Variants in RALYL observed in about 807,000 individuals in gnomAD.
RALYL encodes the protein RNA-binding Raly-like protein.
In RALYL, 29 loss-of-function variants were observed where a neutral mutation model predicts 35.1. That is an observed-to-expected ratio of 0.83 (90% CI 0.61 to 1.13). The LOEUF (loss-of-function observed/expected upper bound fraction) is 1.13, where lower values mean the gene tolerates loss of function less well. Among genes scored for constraint, RALYL ranks in the 50% most tolerant of loss-of-function variants. The probability of loss-of-function intolerance (pLI) is 0.00; values close to 1 mark genes in which losing one functional copy is unlikely to be tolerated. For synonymous variants in RALYL, 120 were observed against 127.6 expected (o/e 0.94, Z 0.40); for missense variants, 359 against 360.4 (o/e 1.00, Z 0.03).
chr8:84,619,036 G>C (rs1232580961), intron 2 of RALYL, among the ~76,000 whole-genome samples: 1 of 149,310 alleles, frequency 6.7e-6, no homozygotes, highest in East Asian at 2.0e-4. Context: ...TTTTGGAATA[G>C]GTGTGGTGTG....
chr8:84,650,645 C>A (rs1210687011), intron 2 of RALYL, among the ~76,000 whole-genome samples: 20 of 151,804 alleles, frequency 1.3e-4, no homozygotes, highest in Admixed American at 3.9e-4. Flanking sequence ...TAGTTCAACC[C>A]TTGTGGAAGT....
intron 1 of RALYL, among the ~76,000 whole-genome samples, chr8:84,423,953 C>G (rs1404859318): frequency 4.0e-5 from 6 of 151,678 alleles, no homozygotes; most frequent in Admixed American, 3.9e-4. Flanking sequence ...TTGAGGGTAA[C>G]CTGACCTTTC....
intron 1 of RALYL, among the ~76,000 whole-genome samples, chr8:84,235,376 A>G (rs1826281757): frequency 1.3e-5 from 2 of 152,178 alleles, no homozygotes; most frequent in Admixed American, 1.3e-4. Flanking sequence ...CTTCCACAAT[A>G]AGATTTGAAA....
intron 4 of RALYL, among the ~76,000 whole-genome samples, chr8:84,826,372 G>A (rs1388973213): frequency 6.6e-6 from 1 of 151,482 alleles, no homozygotes. Flanking sequence ...CTATTGGAAG[G>A]AAAATTAATG....
At chr8:84,245,197 G>T (rs561518623) in intron 1 of RALYL, among the ~76,000 whole-genome samples, 1 of 152,172 alleles carries the variant, frequency 6.6e-6, no homozygotes, top group East Asian at 1.9e-4. Context: ...CTCTAGAGAG[G>T]GACGCTGTTT....
At chr8:84,656,499 T>A (rs1021365882) in intron 2 of RALYL, among the ~76,000 whole-genome samples, 3 of 152,190 alleles carry the variant, frequency 2.0e-5, no homozygotes, top group Non-Finnish European at 2.9e-5. Flanking sequence ...CCTTATGAGA[T>A]GAGATATTTG....
intron 2 of RALYL, among the ~76,000 whole-genome samples, chr8:84,568,298 T>G (rs1331514725): frequency 6.7e-6 from 1 of 148,964 alleles, no homozygotes; most frequent in Non-Finnish European, 1.5e-5. Context: ...GAACATGCGG[T>G]GTTTGGTTTT....
chr8:84,401,434 G>C (rs1167241058), intron 1 of RALYL, among the ~76,000 whole-genome samples: 2 of 151,572 alleles, frequency 1.3e-5, no homozygotes, highest in Non-Finnish European at 2.9e-5. Context: ...TCAGGAGATC[G>C]AGACCATCTT....
intron 2 of RALYL, among the ~76,000 whole-genome samples, chr8:84,539,833 C>CAT (rs768941805): frequency 0.011 from 250 of 23,174 alleles, 2 homozygotes; most frequent in South Asian, 0.048. Flanking sequence ...ATCAAGTATA[C>CAT]ATATATATAT....
chr8:84,481,693 A>G (rs979911217), intron 1 of RALYL, among the ~76,000 whole-genome samples: 1 of 152,202 alleles, frequency 6.6e-6, no homozygotes, highest in Non-Finnish European at 1.5e-5. Context: ...TACAGGCATT[A>G]TGCAAATCAT....
intron 7 of RALYL, among the ~76,000 whole-genome samples, chr8:84,877,490 A>G (rs1482167699): frequency 6.6e-6 from 1 of 151,862 alleles, no homozygotes; most frequent in East Asian, 1.9e-4. Context: ...ATCTCAAAAC[A>G]AATAAATATA....
intron 8 of RALYL, among the ~76,000 whole-genome samples, chr8:84,898,236 G>A (rs1475082761): frequency 6.6e-6 from 1 of 152,156 alleles, no homozygotes; most frequent in African/African-American, 2.4e-5. Flanking sequence ...AAACTCTGGG[G>A]CGGACCCCAG....
intron 2 of RALYL, among the ~76,000 whole-genome samples, chr8:84,634,699 A>C (rs2131290438): frequency 6.6e-6 from 1 of 151,926 alleles, no homozygotes; most frequent in East Asian, 1.9e-4. Flanking sequence ...AAAATTGATA[A>C]AAGACTGAGG....
chr8:84,822,596 C>G (rs979316171), intron 4 of RALYL, among the ~76,000 whole-genome samples: 6 of 152,098 alleles, frequency 3.9e-5, no homozygotes, highest in Non-Finnish European at 5.9e-5. Context: ...AAAAATTGAG[C>G]TTTCCTTCCA....
chr8:84,512,110 A>G (rs1326550740), intron 1 of RALYL, among the ~76,000 whole-genome samples: 1 of 152,016 alleles, frequency 6.6e-6, no homozygotes, highest in East Asian at 1.9e-4. Context: ...TTCTTGAGAA[A>G]TCTCTGTACT....
At chr8:84,865,903 T>C (rs1839093957) in intron 6 of RALYL, among the ~76,000 whole-genome samples, 1 of 152,138 alleles carries the variant, frequency 6.6e-6, no homozygotes, top group African/African-American at 2.4e-5. Flanking sequence ...ACAATTCAAT[T>C]AAAGTTAAAA....
chr8:84,330,805 C>T (rs778869626), intron 1 of RALYL, among the ~76,000 whole-genome samples: 22 of 151,978 alleles, frequency 1.4e-4, no homozygotes, highest in Admixed American at 6.6e-5. Context: ...TAAATCAATA[C>T]AGTGGGTAAT....
rs1389985247 is a variant in RALYL, at chr8:84,271,295, A to G, written c.-24+86871A>G. Among the ~76,000 whole-genome samples the G allele has an allele frequency of 3.3e-5, 5 of 152,110 alleles. No homozygotes were observed. The South Asian group carries it at 6.2e-4, about 19-fold the overall frequency. On this transcript the variant is annotated intron_variant, in intron 1 of 8. Coordinates refer to ENST00000521268, the MANE Select transcript of RALYL (RefSeq NM_173848.7). ...GCAAACAAGCACATAAAGTATACTCAACATCATTAGGCATTAGGAAATACA... is the reference window on the plus strand; with the variant it reads ...GCAAACAAGCACATAAAGTATACTCGACATCATTAGGCATTAGGAAATACA...
At chr8:84,754,816 T>TAAG (rs1019170507) in intron 2 of RALYL, among the ~76,000 whole-genome samples, 1 of 152,076 alleles carries the variant, frequency 6.6e-6, no homozygotes, top group Admixed American at 6.6e-5. Flanking sequence ...TAGATGGCAA[T>TAAG]AAGAAGAAGA....
Sources: allele counts gnomAD v4.1 joint callset (sites outside exome capture counted in the v4.1 genomes callset), GRCh38; gene constraint gnomAD v4.1.1; transcripts MANE v1.5; gene names NCBI Gene and HGNC (gene_info 2026-07-23, HGNC 2026-07-21).